NTF3: variants seen among roughly 807,000 people sequenced by gnomAD.
NTF3 encodes neurotrophin-3.
Under a neutral mutation model 26.3 loss-of-function variants are expected in NTF3, and 8 were observed. The ratio of observed to expected loss-of-function variants is 0.30; its 90% CI spans 0.18 to 0.55. The LOEUF is 0.55. NTF3 is among the 20% of genes least tolerant of loss of function. The pLI, the probability that NTF3 is intolerant of heterozygous loss-of-function variation, is 0.93. For missense variants in NTF3, 276 were observed against 352.9 expected, an observed-to-expected ratio of 0.78 and a Z score of 1.75; for synonymous variants, 154 against 145.5, an observed-to-expected ratio of 1.06 and a Z score of -0.42.
At chr12:5,462,136 CA>C (rs1940533026) in intron 1 of NTF3, among the ~76,000 whole-genome samples, 2 of 152,178 alleles carry the variant, frequency 1.3e-5, no homozygotes. Context: ...TAATCAATTA[CA>C]ACATTCTTTT....
rs139462311 is a variant in NTF3 at position 5,461,435 on chromosome 12, A to G, written c.18+29093A>G. 7.7e-3 allele frequency among the ~76,000 whole-genome samples: 1,175 copies of G among 152,186 alleles called. 4 individuals carry two copies. Among genetic ancestry groups the G allele is most frequent in the Middle Eastern group, 0.037 (11 of 294 alleles). ...CTTTCCTTTTATTATTAGTTTTTAA[A>G]TGGTTGGCTACATGGGCTGTTGGTC... is the stretch of plus-strand genomic sequence containing the variant. On this transcript the variant is annotated intron_variant, in intron 1 of 1. Transcript: ENST00000423158.
At position 5,460,535 on chromosome 12, in the gene NTF3, C is replaced by T. The variant is rs77513249; in HGVS notation, c.18+28193C>T. Reference sequence around the variant, plus strand: ...AACTTTGCTTTCATCCTTTTATCACCACAAGGCCAGTCATCCAAGGAATTT... The same window carrying T: ...AACTTTGCTTTCATCCTTTTATCACTACAAGGCCAGTCATCCAAGGAATTT... On this transcript the variant is annotated intron_variant, in intron 1 of 1. Coordinates refer to ENST00000423158, the MANE Select transcript of NTF3 (RefSeq NM_001102654.2). 6.0e-3 allele frequency among the ~76,000 whole-genome samples: 914 copies of T among 152,314 alleles called. 9 individuals carry two copies. Among genetic ancestry groups the T allele is most frequent in the African/African-American group, 0.018 (744 of 41,568 alleles).
At chr12:5,459,576 G>T (rs778951608) in intron 1 of NTF3, among the ~76,000 whole-genome samples, 1 of 152,142 alleles carries the variant, frequency 6.6e-6, no homozygotes. Context: ...TGCATATTGC[G>T]TCATTGCCTG....
intron 1 of NTF3, among the ~76,000 whole-genome samples, chr12:5,485,082 TGAGAAATGAGGA>T (rs1168572979): frequency 2.6e-5 from 4 of 152,150 alleles, no homozygotes; most frequent in African/African-American, 9.6e-5. Context: ...TACCATCAAA[TGAGAAATGAGGA>T]AAGGAATATT....
intron 1 of NTF3, among the ~76,000 whole-genome samples, chr12:5,457,943 C>T (rs1003502989): frequency 6.6e-6 from 1 of 152,176 alleles, no homozygotes; most frequent in Non-Finnish European, 1.5e-5. Context: ...CAGATCTCCT[C>T]GTCACCACTG....
chr12:5,437,402 A>G (rs1183110140), intron 1 of NTF3, among the ~76,000 whole-genome samples: 1 of 151,160 alleles, frequency 6.6e-6, no homozygotes, highest in Non-Finnish European at 1.5e-5. Context: ...AACATTTCCC[A>G]TGTCTTCACT....
chr12:5,491,841 T>A (rs1013692495), intron 1 of NTF3, among the ~76,000 whole-genome samples: 2 of 148,304 alleles, frequency 1.3e-5, no homozygotes, highest in South Asian at 2.2e-4. Context: ...TGCCTCAGCC[T>A]CCCGAGTAGC....
chr12:5,450,238 A>G (rs1333508911), intron 1 of NTF3, among the ~76,000 whole-genome samples: 1 of 152,240 alleles, frequency 6.6e-6, no homozygotes, highest in Non-Finnish European at 1.5e-5. Flanking sequence ...ACCACCTTAG[A>G]GAAACATGGC....
intron 1 of NTF3, among the ~76,000 whole-genome samples, chr12:5,472,563 C>G (rs1212505826): frequency 6.6e-6 from 1 of 152,208 alleles, no homozygotes; most frequent in Non-Finnish European, 1.5e-5. Flanking sequence ...CTCTGTCCCT[C>G]TTTCTGGGTC....
At chr12:5,470,400 C>T (rs1167456642) in intron 1 of NTF3, among the ~76,000 whole-genome samples, 1 of 152,200 alleles carries the variant, frequency 6.6e-6, no homozygotes, top group South Asian at 2.1e-4. Context: ...AGAACATCCA[C>T]GTTTTGCAGC....
In NTF3 at chr12:5,495,148, G is replaced by A. The variant is rs68164852; in HGVS notation, c.*160G>A. 3.2e-3 allele frequency: 2,533 copies of A among 789,094 alleles called. 7 individuals carry two copies. The highest frequency in any genetic ancestry group is 4.2e-3 in the Non-Finnish European group (2,147 of 506,440). 48.9% of individuals were successfully genotyped at this position (789,094 alleles called of 1,614,324 possible). ...AAGCTTTTTTCTCAATAAAATCAGT[G>A]TGCTTGCCTTCCCTCAGGCCTCTCC... is the stretch of plus-strand genomic sequence containing the variant. On this transcript the variant is annotated 3_prime_UTR_variant, in exon 2 of 2. Transcript: ENST00000423158.
At chr12:5,476,974 G>C (rs756026925) in intron 1 of NTF3, among the ~76,000 whole-genome samples, 4 of 151,980 alleles carry the variant, frequency 2.6e-5, no homozygotes, top group Middle Eastern at 3.4e-3. Context: ...ATATATTTTT[G>C]TATTTTTAAA....
In NTF3 at chr12:5,494,454, A is replaced by C. The variant is rs1591610950; in HGVS notation, c.279A>C (p.Ser93=). Residue 93 remains serine, a synonymous_variant, in exon 2 of 2, where the codon TCA becomes TCC. Transcript: ENST00000423158. The surrounding 1 kb of genome is among the most constrained non-coding windows in gnomAD (Gnocchi z 8.3). ...CGGAGCGGGGAGGGCCCGCCAAGTC[A>C]GCATTCCAGCCGGTGATTGCAATGG... The part of the protein sequence containing the change: ...REPERGGPAK[S]AFQPVIAMDT... 1 of 1,613,672 alleles carries C rather than the reference A, an allele frequency of 6.2e-7. No homozygotes were observed. The highest frequency in any genetic ancestry group is 2.2e-5 in the East Asian group (1 of 44,834).
chr12:5,481,699 A>G (rs1326857366), intron 1 of NTF3, among the ~76,000 whole-genome samples: 2 of 122,296 alleles, frequency 1.6e-5, no homozygotes, highest in African/African-American at 6.1e-5. Flanking sequence ...CCACACAAGC[A>G]GAATAACACC....
chr12:5,487,785 C>G (rs190272302), intron 1 of NTF3, among the ~76,000 whole-genome samples: 1 of 152,322 alleles, frequency 6.6e-6, no homozygotes, highest in East Asian at 1.9e-4. Flanking sequence ...TGGTTTGACA[C>G]TACATAGATA....
At chr12:5,441,754 G>A (rs752061661) in intron 1 of NTF3, among the ~76,000 whole-genome samples, 2 of 152,222 alleles carry the variant, frequency 1.3e-5, no homozygotes, top group African/African-American at 2.4e-5. Context: ...TTGGCTCAGA[G>A]AGGCAGTGCA....
chr12:5,438,046 A>T (rs186257328), intron 1 of NTF3, among the ~76,000 whole-genome samples: 10 of 152,060 alleles, frequency 6.6e-5, no homozygotes, highest in Non-Finnish European at 8.8e-5. Flanking sequence ...AGTTGGGGAC[A>T]CCTTCCTTCA....
At position 5,491,780 on chromosome 12, in the gene NTF3, C is replaced by T. The variant is rs546496240; in HGVS notation, c.19-2414C>T. Among the ~76,000 whole-genome samples the T allele has an allele frequency of 2.2e-5, 3 of 136,662 alleles. No individual in the cohort carries two copies. In the South Asian group the frequency reaches 7.1e-4, roughly 32 times the overall value. 89.7% of individuals were successfully genotyped at this position (136,662 alleles called of 152,430 possible). ...TGTCGCCCAGGCTGGAGTGCAGTGG[C>T]GTGATGTTGGCTCACTGTAAGCTCC... is the stretch of plus-strand genomic sequence containing the variant. On this transcript the variant is annotated intron_variant, in intron 1 of 1. Coordinates refer to ENST00000423158, the MANE Select transcript of NTF3 (RefSeq NM_001102654.2).
At chr12:5,455,983 C>A (rs1940441688) in intron 1 of NTF3, among the ~76,000 whole-genome samples, 1 of 152,158 alleles carries the variant, frequency 6.6e-6, no homozygotes, top group African/African-American at 2.4e-5. Context: ...ATAACCCTCA[C>A]AGCTGTGCGG....
Sources: gnomAD v4.1 joint callset for allele counts (sites outside exome capture counted in the v4.1 genomes callset) on GRCh38, gnomAD v4.1.1 for gene constraint, Gnocchi (gnomAD v3.1) non-coding constraint, MANE v1.5 for transcripts, NCBI Gene and HGNC (gene_info 2026-07-23, HGNC 2026-07-21) for gene names.